Variants in OPRM1 observed in about 807,000 individuals in gnomAD.
OPRM1 encodes mu-type opioid receptor.
Under a neutral mutation model 31.8 loss-of-function variants are expected in OPRM1, and 27 were observed. That is an observed-to-expected ratio of 0.85 (90% CI 0.63 to 1.17). The LOEUF (loss-of-function observed/expected upper bound fraction) is 1.17, where lower values mean the gene tolerates loss of function less well. OPRM1 is among the 50% of genes most tolerant of loss of function. The pLI, the probability that OPRM1 is intolerant of heterozygous loss-of-function variation, is 0.00. For missense variants in OPRM1, 536 were observed against 511.1 expected (o/e 1.05, Z -0.47); for synonymous variants, 196 against 189.9 (o/e 1.03, Z -0.26).
At chr6:154,158,259 TA>T (rs1182449414) in intron 3 of OPRM1, 3 of 152,206 alleles carry the variant, frequency 2.0e-5, no homozygotes, top group Non-Finnish European at 4.4e-5. Context: ...AACAATTTGT[TA>T]CGGGTAGGCA....
chr6:154,150,353 T>C (rs1448899243), intron 3 of OPRM1, among the ~76,000 whole-genome samples: 1 of 152,236 alleles, frequency 6.6e-6, no homozygotes. Flanking sequence ...CCAGGTGTTG[T>C]GTCCTGGTTC....
At position 154,014,034 on chromosome 6, in the gene OPRM1, G is replaced by A. The variant is rs188010825; in HGVS notation, c.-1+3016G>A. On this transcript the variant is annotated intron_variant, in intron 1 of 5. Coordinates refer to the OPRM1 transcript ENST00000434900. Reference sequence around the variant, plus strand: ...ATAGAGACAAGGAAGGGTAAGAAATGGGGCCAGTGATGCATCTACCATGGC... The same window carrying A: ...ATAGAGACAAGGAAGGGTAAGAAATAGGGCCAGTGATGCATCTACCATGGC... 1.2e-4 allele frequency among the ~76,000 whole-genome samples: 18 copies of A among 152,268 alleles called. No homozygotes were observed. In the East Asian group the frequency reaches 3.5e-3, roughly 29 times the overall value.
chr6:154,139,535 T>A (rs1446254593), intron 3 of OPRM1, among the ~76,000 whole-genome samples: 1 of 152,074 alleles, frequency 6.6e-6, no homozygotes, highest in Non-Finnish European at 1.5e-5. Flanking sequence ...GATGGAGCAA[T>A]CAACAAAAAC....
chr6:154,242,953 A>C (rs1217066762), intron 3 of OPRM1, among the ~76,000 whole-genome samples: 1 of 152,218 alleles, frequency 6.6e-6, no homozygotes, highest in African/African-American at 2.4e-5. Flanking sequence ...TTTAGGTCAA[A>C]GGAGAAGGTA....
intron 3 of OPRM1, among the ~76,000 whole-genome samples, chr6:154,239,588 G>C (rs1430266386): frequency 6.6e-6 from 1 of 152,218 alleles, no homozygotes; most frequent in East Asian, 1.9e-4. Flanking sequence ...GTTTTGCCCT[G>C]TCCAGACATG....
chr6:154,043,864 A>T (rs1306429184), intron 1 of OPRM1, among the ~76,000 whole-genome samples: 1 of 152,130 alleles, frequency 6.6e-6, no homozygotes, highest in Non-Finnish European at 1.5e-5. Flanking sequence ...TTTTCCATAT[A>T]GAAACTAATT....
intron 3 of OPRM1, among the ~76,000 whole-genome samples, chr6:154,111,344 ACT>A (rs1422048495): frequency 9.2e-5 from 14 of 151,906 alleles, no homozygotes; most frequent in East Asian, 3.9e-4. Flanking sequence ...TCTGGCTCAA[ACT>A]CTGATTGGCT....
intron 1 of OPRM1, among the ~76,000 whole-genome samples, chr6:154,031,925 T>C (rs1370221911): frequency 6.6e-6 from 1 of 152,180 alleles, no homozygotes; most frequent in Non-Finnish European, 1.5e-5. Flanking sequence ...GGGTTTGTCC[T>C]CAAGGACCTT....
At chr6:154,234,494 C>T (rs528526013) in intron 3 of OPRM1, among the ~76,000 whole-genome samples, 296 of 152,338 alleles carry the variant, frequency 1.9e-3, no homozygotes, top group African/African-American at 7.0e-3. Context: ...TGCTATTCCC[C>T]TTGCAGAAAA....
intron 3 of OPRM1, among the ~76,000 whole-genome samples, chr6:154,100,164 A>G (rs1488894981): frequency 7.7e-6 from 1 of 129,164 alleles, no homozygotes; most frequent in African/African-American, 3.0e-5. Flanking sequence ...ATGACGTATC[A>G]TAATATATAT....
At chr6:154,194,840 C>A (rs1260093072) in intron 3 of OPRM1, among the ~76,000 whole-genome samples, 2 of 152,076 alleles carry the variant, frequency 1.3e-5, no homozygotes, top group East Asian at 1.9e-4. Flanking sequence ...GGTGAATCAC[C>A]CATGCCTGAG....
At chr6:154,190,555 T>C (rs1450448506) in intron 3 of OPRM1, among the ~76,000 whole-genome samples, 1 of 152,182 alleles carries the variant, frequency 6.6e-6, no homozygotes, top group East Asian at 1.9e-4. Flanking sequence ...CATTCATTGA[T>C]GGTGGGAATG....
At chr6:154,193,728 G>A (rs534747751) in intron 3 of OPRM1, among the ~76,000 whole-genome samples, 25 of 152,280 alleles carry the variant, frequency 1.6e-4, no homozygotes, top group East Asian at 1.4e-3. Flanking sequence ...CAAACACTTC[G>A]GCCTTGCTGC....
At chr6:154,186,677 C>G (rs961847810) in intron 3 of OPRM1, among the ~76,000 whole-genome samples, 59 of 152,260 alleles carry the variant, frequency 3.9e-4, no homozygotes, top group African/African-American at 1.3e-3. Flanking sequence ...CTGCCTCAGC[C>G]TCCCGAGTAG....
intron 1 of OPRM1, among the ~76,000 whole-genome samples, chr6:154,084,789 T>TA (rs1000089436): frequency 4.6e-5 from 7 of 151,956 alleles, no homozygotes; most frequent in South Asian, 2.1e-4. Context: ...CACTACTTGG[T>TA]AAAAAAAATG....
intron 3 of OPRM1, among the ~76,000 whole-genome samples, chr6:154,100,475 A>G (rs1469484117): frequency 6.6e-6 from 1 of 151,786 alleles, no homozygotes; most frequent in East Asian, 1.9e-4. Flanking sequence ...TCTTTCTATA[A>G]CATCTGAACA....
chr6:154,123,687 C>T lies in OPRM1; in HGVS notation c.*4966C>T, dbSNP rs60511003. On this transcript the variant is annotated 3_prime_UTR_variant, in exon 4 of 4. Transcript: ENST00000330432. ...GGAAAGGAGTGGGCAATTCCCAGAA[C>T]TGAGGGTTCTTCCCCTTTTAAGACC... 1.3e-5 allele frequency among the ~76,000 whole-genome samples: 2 copies of T among 152,160 alleles called. No homozygotes were observed. The highest frequency in any genetic ancestry group is 2.9e-5 in the Non-Finnish European group (2 of 68,028).
intron 3 of OPRM1, among the ~76,000 whole-genome samples, chr6:154,099,999 TC>T: frequency 7.7e-6 from 1 of 129,876 alleles, no homozygotes; most frequent in African/African-American, 3.3e-5. Flanking sequence ...TTATATATTA[TC>T]ATATTATGAT....
chr6:154,161,403 G>T (rs1443729196), intron 3 of OPRM1, among the ~76,000 whole-genome samples: 1 of 151,808 alleles, frequency 6.6e-6, no homozygotes, highest in Admixed American at 6.6e-5. Flanking sequence ...TAGAGATGGG[G>T]TTTCGCCATG....
Sources: gnomAD v4.1 joint callset for allele counts (sites outside exome capture counted in the v4.1 genomes callset) on GRCh38, gnomAD v4.1.1 for gene constraint, MANE v1.5 for transcripts, NCBI Gene and HGNC (gene_info 2026-07-23, HGNC 2026-07-21) for gene names.